The following FRMD6 variants were observed in gnomAD, a reference collection of about 807,000 sequenced individuals.
The protein encoded by FRMD6 is FERM domain-containing protein 6.
FRMD6 carries 37 observed loss-of-function variants against 73.2 expected under a neutral mutation model. The observed-to-expected ratio is 0.51, with a 90% CI of 0.39 to 0.66. The LOEUF (loss-of-function observed/expected upper bound fraction) is 0.66, where lower values mean the gene tolerates loss of function less well. Ranked by LOEUF, FRMD6 falls within the 30% of genes least tolerant of loss-of-function variation. The probability of loss-of-function intolerance (pLI) is 0.00; values close to 1 mark genes in which losing one functional copy is unlikely to be tolerated. For synonymous variants in FRMD6, 273 were observed against 282.2 expected, an observed-to-expected ratio of 0.97 and a Z score of 0.33; for missense variants, 714 against 780.5, an observed-to-expected ratio of 0.91 and a Z score of 1.02.
intron 5 of FRMD6, 60 bp downstream of exon 5, chr14:51,702,648 A>C: frequency 1.6e-6 from 2 of 1,287,814 alleles, no homozygotes; most frequent in Admixed American, 3.6e-5. Context: ...TTTTTCTAAC[A>C]TACCAAATAA....
chr14:51,412,990 ATTT>A, the FRMD6 span, among the ~76,000 whole-genome samples: 15 of 134,142 alleles, frequency 1.1e-4, no homozygotes, highest in Middle Eastern at 3.7e-3. Context: ...CCATAGTTAA[ATTT>A]TTTTTTTTTT....
rs1270332420 is a variant in FRMD6, at chr14:51,720,390, G to C, written c.1360G>C (p.Glu454Gln). 6.2e-7 allele frequency: 1 copy of C among 1,611,598 alleles called. No homozygotes were observed. Among genetic ancestry groups the C allele is most frequent in the Non-Finnish European group, 8.5e-7 (1 of 1,178,666 alleles). ...GCTGGAAGAGGACTTACAGGACGAT[G>C]GTAACAGTACTGTCCCCTCACTGGC... is the stretch of plus-strand genomic sequence containing the variant. ...DRLEEDLQDD[E>Q]IEMLVDDPRD... The change falls in exon 11 of 14, where the codon GAA becomes CAA. Residue 454 changes from glutamate to glutamine, a missense_variant and splice_region_variant. Physicochemically the swap from Glu to Gln is conservative, Grantham distance 29. Transcript: ENST00000344768.
chr14:51,495,038 A>C (rs1232498889), intron 1 of FRMD6, among the ~76,000 whole-genome samples: 1 of 152,192 alleles, frequency 6.6e-6, no homozygotes, highest in Non-Finnish European at 1.5e-5. Context: ...ACATTTTAGT[A>C]TAGTCAGCCA....
Position 51,689,803 on chromosome 14 carries a change from G to A in FRMD6, c.-34G>A. The A allele has an allele frequency of 7.4e-7, 1 of 1,345,974 alleles. No homozygotes were observed. Among genetic ancestry groups the A allele is most frequent in the Non-Finnish European group, 1.1e-6 (1 of 936,966 alleles). 83.4% of individuals were successfully genotyped at this position (1,345,974 alleles called of 1,614,324 possible). Reference sequence around the variant, plus strand: ...CCTGAGGAATTGCCAAGGACCCAGAGCCCAGCCCTGACCACCAGAGTGCCC... The same window carrying A: ...CCTGAGGAATTGCCAAGGACCCAGAACCCAGCCCTGACCACCAGAGTGCCC... On this transcript the variant is annotated 5_prime_UTR_variant, in exon 2 of 14. Coordinates refer to ENST00000344768, the MANE Select transcript of FRMD6 (RefSeq NM_001267046.2).
chr14:51,579,142 C>T (rs1055847856), intron 2 of FRMD6: 3 of 152,048 alleles, frequency 2.0e-5, no homozygotes, highest in African/African-American at 7.2e-5. Context: ...GAGGAGGCGC[C>T]TTCCAGTAAA....
chr14:51,633,598 C>CAAAAAAAA (rs375453243), intron 2 of FRMD6, among the ~76,000 whole-genome samples: 3 of 45,866 alleles, frequency 6.5e-5, no homozygotes, highest in Admixed American at 3.1e-4. Context: ...AAGACCCTGT[C>CAAAAAAAA]AAAAAAAAAA....
chr14:51,612,031 G>A (rs1890529520), intron 2 of FRMD6, among the ~76,000 whole-genome samples: 1 of 152,014 alleles, frequency 6.6e-6, no homozygotes, highest in African/African-American at 2.4e-5. Context: ...ATAATCTTGA[G>A]GTGATCTTTT....
chr14:51,483,766 T>A, the FRMD6 span, among the ~76,000 whole-genome samples: 20 of 152,358 alleles, frequency 1.3e-4, no homozygotes, highest in Admixed American at 1.3e-3. Flanking sequence ...TCAAACTATT[T>A]AAAGTCAATA....
intron 1 of FRMD6, among the ~76,000 whole-genome samples, chr14:51,538,832 T>A (rs1886050841): frequency 6.6e-6 from 1 of 152,216 alleles, no homozygotes. Context: ...GGGAAATATG[T>A]CCTCTGCTTT....
rs1896942760 is a variant in FRMD6, at chr14:51,711,521, AT to A, written c.715-8del. 6 of 1,567,862 alleles carry A rather than the reference AT, an allele frequency of 3.8e-6. No homozygotes were observed. The highest frequency in any genetic ancestry group is 1.7e-5 in the Admixed American group (1 of 59,642). ...AACATTTAATTTTTTATAAAATCCT[AT>A]TCCTACAGGATAAAAGGGAAATTGA... On this transcript the variant is annotated splice_polypyrimidine_tract_variant and intron_variant, in intron 7 of 13. Transcript: ENST00000344768.
At chr14:51,683,462 C>G (rs1460395999) in intron 1 of FRMD6, among the ~76,000 whole-genome samples, 1 of 149,302 alleles carries the variant, frequency 6.7e-6, no homozygotes. Flanking sequence ...TTTTTTTAAA[C>G]TTTTTTAGTA....
At position 51,541,507 on chromosome 14, in the gene FRMD6, C is replaced by A. The variant is rs778819172; in HGVS notation, c.-209-28841C>A. Reference sequence around the variant, plus strand: ...ATCTCACAGCGCTCCTCTTAGGATTCAATGGCGGGGTAGGGTAAGGAGGTG... The same window carrying A: ...ATCTCACAGCGCTCCTCTTAGGATTAAATGGCGGGGTAGGGTAAGGAGGTG... On this transcript the variant is annotated intron_variant, in intron 1 of 14. Transcript: ENST00000356218. 2.4e-4 allele frequency among the ~76,000 whole-genome samples: 36 copies of A among 152,138 alleles called. 1 individual carries two copies. Among genetic ancestry groups the A allele is most frequent in the Admixed American group, 5.9e-4 (9 of 15,264 alleles).
intron 2 of FRMD6, among the ~76,000 whole-genome samples, chr14:51,605,767 A>G (rs769205748): frequency 1.3e-5 from 2 of 152,188 alleles, no homozygotes; most frequent in Non-Finnish European, 2.9e-5. Context: ...TGGGCTATAC[A>G]TTTTGAGACC....
intron 1 of FRMD6, among the ~76,000 whole-genome samples, chr14:51,538,254 CT>C (rs1316125349): frequency 1.3e-5 from 2 of 151,916 alleles, no homozygotes; most frequent in South Asian, 4.2e-4. Context: ...ATTGGGTTGT[CT>C]TTTTTATTGT....
rs558497515 is a variant in FRMD6 at position 51,506,677 on chromosome 14, T to G, written c.-210+17257T>G. Among the ~76,000 whole-genome samples, 6 of 152,304 alleles carry G rather than the reference T, an allele frequency of 3.9e-5. No homozygotes were observed. In the South Asian group the frequency reaches 1.2e-3, roughly 32 times the overall value. ...ACAGGATTTGACCCAGCACTTCCAT[T>G]TTAAAGAATTCCCCTTAAGGGAATG... On this transcript the variant is annotated intron_variant, in intron 1 of 14. Coordinates refer to the FRMD6 transcript ENST00000356218.
intron 2 of FRMD6, among the ~76,000 whole-genome samples, chr14:51,691,712 A>G (rs1418170894): frequency 1.4e-5 from 2 of 147,136 alleles, no homozygotes; most frequent in Non-Finnish European, 3.0e-5. Flanking sequence ...CTCCTGCCTC[A>G]GCCTCCCGAG....
Position 51,689,927 on chromosome 14 carries a change from A to G in FRMD6, c.91A>G (p.Ile31Val). The G allele has an allele frequency of 1.3e-6, 2 of 1,598,268 alleles. No individual in the cohort carries two copies. Among genetic ancestry groups the G allele is most frequent in the South Asian group, 1.1e-5 (1 of 90,806 alleles). ...TCCCAACGATGAATCTCTGAACATC[A>G]TCATAAATGTGAGTAGATCCAGTTT... ...FLPNDESLNI[I>V]INVKILCHQL... is the part of the protein sequence containing the mutation. Residue 31 changes from isoleucine to valine, a missense_variant, in exon 2 of 14, where the codon ATC becomes GTC. Ile to Val is a conservative substitution (Grantham distance 29). Transcript: ENST00000344768.
At chr14:51,640,504 T>C (rs1891764628) in intron 2 of FRMD6, among the ~76,000 whole-genome samples, 1 of 152,230 alleles carries the variant, frequency 6.6e-6, no homozygotes, top group Non-Finnish European at 1.5e-5. Context: ...TGGAAACCAC[T>C]GTCTAAAAGC....
chr14:51,499,639 G>GTCTACATAC (rs1179136142), intron 1 of FRMD6, among the ~76,000 whole-genome samples: 1 of 152,194 alleles, frequency 6.6e-6, no homozygotes, highest in Non-Finnish European at 1.5e-5. Context: ...TCCCACAGCT[G>GTCTACATAC]TCTACATACA....
Sources: allele counts gnomAD v4.1 joint callset (sites outside exome capture counted in the v4.1 genomes callset), GRCh38; gene constraint gnomAD v4.1.1; transcripts MANE v1.5; gene names NCBI Gene and HGNC (gene_info 2026-07-23, HGNC 2026-07-21).